FAM135B: variants seen among roughly 807,000 people sequenced by gnomAD.
FAM135B encodes protein FAM135B.
Under a neutral mutation model 127.7 loss-of-function variants are expected in FAM135B, and 43 were observed. That is an observed-to-expected ratio of 0.34 (90% CI 0.26 to 0.43). The LOEUF (loss-of-function observed/expected upper bound fraction) is 0.43. FAM135B is among the 20% of genes least tolerant of loss of function. The probability of loss-of-function intolerance (pLI) is 1.00; values close to 1 mark genes in which losing one functional copy is unlikely to be tolerated. For synonymous variants in FAM135B, 670 were observed against 665.1 expected (o/e 1.01, Z -0.11); for missense variants, 1,558 against 1,725.6 (o/e 0.90, Z 1.72).
At chr8:138,312,571 G>A (rs1055684049) in intron 2 of FAM135B, among the ~76,000 whole-genome samples, 20 of 152,130 alleles carry the variant, frequency 1.3e-4, no homozygotes, top group South Asian at 2.1e-4. Flanking sequence ...CCCTCCAGCC[G>A]AAGGATCAGG....
At chr8:138,395,710 CT>C (rs926206577) in intron 1 of FAM135B, among the ~76,000 whole-genome samples, 1 of 152,170 alleles carries the variant, frequency 6.6e-6, no homozygotes, top group African/African-American at 2.4e-5. Context: ...AATCTCTGTA[CT>C]TTGGGGGCAG....
chr8:138,469,077 A>G (rs934391732), intron 1 of FAM135B, among the ~76,000 whole-genome samples: 1 of 151,868 alleles, frequency 6.6e-6, no homozygotes, highest in African/African-American at 2.4e-5. Flanking sequence ...AGAGAGAAAA[A>G]GAAAGAAAGA....
chr8:138,286,690 G>C (rs1005476345), intron 3 of FAM135B, among the ~76,000 whole-genome samples: 1 of 152,202 alleles, frequency 6.6e-6, no homozygotes. Context: ...AGTTGTCCTG[G>C]TGCCATTTTA....
At chr8:138,312,190 C>G (rs940487521) in intron 2 of FAM135B, among the ~76,000 whole-genome samples, 9 of 152,136 alleles carry the variant, frequency 5.9e-5, no homozygotes, top group Admixed American at 2.6e-4. Flanking sequence ...CATGATCCAC[C>G]TGCCTCAGCC....
intron 2 of FAM135B, among the ~76,000 whole-genome samples, chr8:138,326,710 G>T (rs993394637): frequency 6.6e-6 from 1 of 152,164 alleles, no homozygotes; most frequent in Admixed American, 6.5e-5. Flanking sequence ...TGCTCAGAAA[G>T]ACCAGGTTTT....
intron 5 of FAM135B, among the ~76,000 whole-genome samples, chr8:138,251,906 A>G (rs1821727763): frequency 6.6e-6 from 1 of 152,206 alleles, no homozygotes; most frequent in African/African-American, 2.4e-5. Flanking sequence ...CTTGTCCTCC[A>G]TCCATAGATA....
At chr8:138,409,111 C>T (rs1199436992) in intron 1 of FAM135B, among the ~76,000 whole-genome samples, 1 of 152,170 alleles carries the variant, frequency 6.6e-6, no homozygotes, top group African/African-American at 2.4e-5. Context: ...CCTCACAAAG[C>T]TTAATCATTT....
At chr8:138,155,211 G>A (rs891822030) in intron 12 of FAM135B, among the ~76,000 whole-genome samples, 9 of 152,298 alleles carry the variant, frequency 5.9e-5, no homozygotes, top group African/African-American at 1.9e-4. Flanking sequence ...CATAAGTGAA[G>A]GAGAAATAAA....
intron 17 of FAM135B, among the ~76,000 whole-genome samples, chr8:138,140,748 C>A (rs1389501110): frequency 1.3e-5 from 2 of 152,082 alleles, no homozygotes; most frequent in African/African-American, 4.8e-5. Context: ...TACATATACA[C>A]AAACACAGAT....
chr8:138,342,438 C>A (rs1241654924), intron 2 of FAM135B, among the ~76,000 whole-genome samples: 2 of 152,214 alleles, frequency 1.3e-5, no homozygotes, highest in Non-Finnish European at 2.9e-5. Context: ...AAGGCACAGC[C>A]TCCTTTCAGA....
Position 138,166,165 on chromosome 8 carries a change from G to A in FAM135B, c.1258+1730C>T, listed in dbSNP as rs565207720. On this transcript the variant is annotated intron_variant, in intron 12 of 19. Coordinates refer to ENST00000395297, the MANE Select transcript of FAM135B (RefSeq NM_015912.4). ...TGCCTCAGATTCTCTCTGTGGCATT[G>A]AGTTTGTGAGGTTGTTTATAGGATT... is the stretch of plus-strand genomic sequence containing the variant. 3.3e-4 allele frequency among the ~76,000 whole-genome samples: 50 copies of A among 152,266 alleles called. 1 individual carries two copies. In the Middle Eastern group the frequency reaches 0.01, roughly 31 times the overall value.
chr8:138,190,676 A>T (rs1816037651), intron 9 of FAM135B, among the ~76,000 whole-genome samples: 2 of 152,180 alleles, frequency 1.3e-5, no homozygotes, highest in African/African-American at 4.8e-5. Flanking sequence ...CACCTTTTTA[A>T]GTCTTACAAG....
chr8:138,425,710 A>G (rs975178558), intron 1 of FAM135B, among the ~76,000 whole-genome samples: 1 of 151,862 alleles, frequency 6.6e-6, no homozygotes, highest in African/African-American at 2.4e-5. Context: ...CCTGGCTTCA[A>G]CTCTTACTCA....
chr8:138,208,371 T>C (rs1434738911), intron 7 of FAM135B, among the ~76,000 whole-genome samples: 2 of 152,248 alleles, frequency 1.3e-5, no homozygotes, highest in Non-Finnish European at 2.9e-5. Flanking sequence ...AGAAGGCAGG[T>C]ATGAATTATG....
At chr8:138,181,365 G>A (rs1233773333) in intron 9 of FAM135B, among the ~76,000 whole-genome samples, 1 of 152,176 alleles carries the variant, frequency 6.6e-6, no homozygotes, top group Non-Finnish European at 1.5e-5. Context: ...CTTCTATATA[G>A]ATTCTTGAAC....
intron 7 of FAM135B, among the ~76,000 whole-genome samples, chr8:138,208,561 G>A (rs1266877941): frequency 6.6e-6 from 1 of 152,048 alleles, no homozygotes; most frequent in African/African-American, 2.4e-5. Context: ...TATATTTTGT[G>A]AGGCAAAGAA....
At chr8:138,406,804 T>C (rs1833528809) in intron 1 of FAM135B, among the ~76,000 whole-genome samples, 1 of 150,500 alleles carries the variant, frequency 6.6e-6, no homozygotes, top group Non-Finnish European at 1.5e-5. Context: ...GCCAAAATCA[T>C]ACTGAATGGG....
chr8:138,452,124 CTTTTTTT>C (rs1158033996), intron 1 of FAM135B, among the ~76,000 whole-genome samples: 4 of 104,184 alleles, frequency 3.8e-5, no homozygotes, highest in African/African-American at 7.4e-5. Flanking sequence ...ACCCAATCTG[CTTTTTTT>C]TTTTTTTTTT....
rs1198525028 is a variant in FAM135B at position 138,132,844 on chromosome 8, A to G, written c.4016-46T>C. ...ACATGAAGCTGGTGCAGAAATTAGC[A>G]GTGGAATCTAGAGAACATCACTAGA... is the stretch of plus-strand genomic sequence containing the variant. On this transcript the variant is annotated intron_variant, in intron 19 of 19. Coordinates refer to ENST00000395297, the MANE Select transcript of FAM135B (RefSeq NM_015912.4). This position sits in a 1 kb window ranked among gnomAD's most constrained non-coding sequence, Gnocchi z 4.5. The G allele has an allele frequency of 6.4e-7, 1 of 1,559,668 alleles. No homozygotes were observed. Among genetic ancestry groups the G allele is most frequent in the East Asian group, 2.2e-5 (1 of 44,606 alleles).
Sources: allele counts gnomAD v4.1 joint callset (sites outside exome capture counted in the v4.1 genomes callset), GRCh38; gene constraint gnomAD v4.1.1; non-coding constraint Gnocchi (gnomAD v3.1); transcripts MANE v1.5; gene names NCBI Gene and HGNC (gene_info 2026-07-23, HGNC 2026-07-21).